CELSR3: variants seen among roughly 807,000 people sequenced by gnomAD.
CELSR3 encodes EGF-like protein 1.
A neutral mutation model predicts 270.0 loss-of-function variants in CELSR3; 73 were observed. The ratio of observed to expected loss-of-function variants is 0.27; its 90% CI spans 0.22 to 0.33. The LOEUF is 0.33. Ranked by LOEUF, CELSR3 falls within the 10% of genes least tolerant of loss-of-function variation. The probability of loss-of-function intolerance (pLI) is 1.00; values close to 1 mark genes in which losing one functional copy is unlikely to be tolerated. For synonymous variants in CELSR3, 1,780 were observed against 1,905.4 expected (o/e 0.93, Z 1.71); for missense variants, 3,614 against 4,533.8 (o/e 0.80, Z 5.83).
In CELSR3 at chr3:48,662,410, C is replaced by T. The variant is rs778189217; in HGVS notation, c.225G>A (p.Gly75=). Reference sequence around the variant, plus strand: ...TAGGCTCCCTGACCCCCAGGCCAGGCCCCCCATCCTCCCGGACCCCGGAAG... The same window carrying T: ...TAGGCTCCCTGACCCCCAGGCCAGGTCCCCCATCCTCCCGGACCCCGGAAG... ...PESSGVREDG[G]PGLGVREPIF... Residue 75 remains glycine, a synonymous_variant, in exon 1 of 35, where the codon GGG becomes GGA. Coordinates refer to ENST00000164024, the MANE Select transcript of CELSR3 (RefSeq NM_001407.3). The surrounding 1 kb of genome is among the most constrained non-coding windows in gnomAD (Gnocchi z 7.1). 29 of 1,612,484 alleles carry T rather than the reference C, an allele frequency of 1.8e-5. No homozygotes were observed. Among genetic ancestry groups the T allele is most frequent in the Non-Finnish European group, 2.5e-5 (29 of 1,179,828 alleles).
chr3:48,641,785 G>C lies in CELSR3; in HGVS notation c.8824+66C>G. The C allele has an allele frequency of 7.2e-7, 1 of 1,383,100 alleles. No homozygotes were observed. The highest frequency in any genetic ancestry group is 1.6e-5 in the South Asian group (1 of 63,396). The allele number at this position is 1,383,100 out of a possible 1,614,324, so 85.7% of individuals were successfully genotyped here. A position where few individuals can be genotyped will look rare whatever the true frequency, so the allele number is the denominator to read the frequency against. ...ATGAACCCCAACCGCAGGAAAGATG[G>C]GGAGCTGGAGGGATAACAAATGGGG... On this transcript the variant is annotated intron_variant, in intron 32 of 34. Transcript: ENST00000164024. The surrounding 1 kb of genome is among the most constrained non-coding windows in gnomAD (Gnocchi z 4.8).
Position 48,640,188 on chromosome 3 carries a change from C to T in CELSR3, c.9397G>A (p.Ala3133Thr), listed in dbSNP as rs150960747. Reference protein sequence around the residue: ...RRQPPRDYPGAMAGRFGSRDA... With the variant: ...RRQPPRDYPGTMAGRFGSRDA... ...CGTGACCCGAAGCGGCCAGCCATGGCGCCAGGGTAGTCCCGAGGTGGCTGC... is the reference window on the plus strand; with the variant it reads ...CGTGACCCGAAGCGGCCAGCCATGGTGCCAGGGTAGTCCCGAGGTGGCTGC... The change falls in exon 34 of 35, where the codon GCC becomes ACC. Residue 3133 changes from alanine (A) to threonine (T), a missense_variant. Physicochemically the swap from Ala to Thr is moderately conservative, Grantham distance 58 (BLOSUM62 0). Coordinates refer to ENST00000164024, the MANE Select transcript of CELSR3 (RefSeq NM_001407.3). The surrounding 1 kb of genome is among the most constrained non-coding windows in gnomAD (Gnocchi z 7.5). 6.1e-4 allele frequency: 985 copies of T among 1,612,704 alleles called. 1 individual carries two copies. Among genetic ancestry groups the T allele is most frequent in the Admixed American group, 1.8e-3 (109 of 60,018 alleles).
rs752735738 is a variant in CELSR3, at chr3:48,646,134, C to T, written c.7419G>A (p.Ala2473=). 9.3e-6 allele frequency: 15 copies of T among 1,612,922 alleles called. No homozygotes were observed. The highest frequency in any genetic ancestry group is 5.5e-5 in the South Asian group (5 of 91,080). ...ISLEFRLLQT[A]NRSKAICVQW... is the part of the protein sequence containing the mutation. ...GCACACAGATCGCCTTGCTCCGATT[C>T]GCTGTCTGTAGCAGGCGAAACTCTA... The change falls in exon 22 of 35, where the codon GCG becomes GCA. Residue 2473 remains alanine, a synonymous_variant. Coordinates refer to ENST00000164024, the MANE Select transcript of CELSR3 (RefSeq NM_001407.3). The surrounding 1 kb of genome is among the most constrained non-coding windows in gnomAD (Gnocchi z 4.8).
In CELSR3 at chr3:48,642,883, C is replaced by A; in HGVS notation, c.8408G>T (p.Gly2803Val). 1 of 1,612,890 alleles carries A rather than the reference C, an allele frequency of 6.2e-7. No individual in the cohort carries two copies. Among genetic ancestry groups the A allele is most frequent in the Non-Finnish European group, 8.5e-7 (1 of 1,179,786 alleles). Residue 2803 changes from glycine (G) to valine (V), a missense_variant and splice_region_variant, in exon 30 of 35, where the codon GGA (glycine) becomes GTA (valine). Coordinates refer to ENST00000164024, the MANE Select transcript of CELSR3 (RefSeq NM_001407.3). This position sits in a 1 kb window ranked among gnomAD's most constrained non-coding sequence, Gnocchi z 6.1. ...PEEARPAPGL[G>V]PGAYNNTALF... ...AGCCGTGTTGTTGTAGGCCCCAGGT[C>A]CCTGGGGGTGGTAGGGACAGAGTGT...
chr3:48,648,121 GC>G lies in CELSR3; in HGVS notation c.6974-126del, dbSNP rs1575541606. On this transcript the variant is annotated intron_variant, in intron 19 of 34. Coordinates refer to ENST00000164024, the MANE Select transcript of CELSR3 (RefSeq NM_001407.3). ...CTGTTTTCTGTGCTACCAGCTCGGA[GC>G]CTGTCCCTACAAAACGCTGAGGGCG... 7 of 1,440,938 alleles carry G rather than the reference GC, an allele frequency of 4.9e-6. No individual in the cohort carries two copies. In the East Asian group the frequency reaches 1.6e-4, roughly 33 times the overall value. The allele number at this position is 1,440,938 out of a possible 1,614,324, so 89.3% of individuals were successfully genotyped here. A position where few individuals can be genotyped will look rare whatever the true frequency, so the allele number is the denominator to read the frequency against.
Position 48,642,187 on chromosome 3 carries a change from A to C in CELSR3, c.8665+171T>G, listed in dbSNP as rs887480961. 1.1e-6 allele frequency: 1 copy of C among 872,008 alleles called. No individual in the cohort carries two copies. The highest frequency in any genetic ancestry group is 1.7e-6 in the Non-Finnish European group (1 of 583,820). The allele number at this position is 872,008 out of a possible 1,614,324, so 54.0% of individuals were successfully genotyped here. A position where few individuals can be genotyped will look rare whatever the true frequency, so the allele number is the denominator to read the frequency against. The stretch of plus-strand genomic sequence containing the variant: ...GACTTATCAGAGGGAAGGACGAATC[A>C]GGAGTGGACTGGGAGAACCAGGGCT... On this transcript the variant is annotated intron_variant, in intron 31 of 34. Coordinates refer to ENST00000164024, the MANE Select transcript of CELSR3 (RefSeq NM_001407.3). The surrounding 1 kb of genome is among the most constrained non-coding windows in gnomAD (Gnocchi z 6.1).
Position 48,649,231 on chromosome 3 carries a change from C to T in CELSR3, c.6473-16G>A, listed in dbSNP as rs2047115128. ...ACAGCAGCACCTGGAGGCAGGCAACCCCTGGTCAGGCCTGGGGCCTGGATA... is the reference window on the plus strand; with the variant it reads ...ACAGCAGCACCTGGAGGCAGGCAACTCCTGGTCAGGCCTGGGGCCTGGATA... On this transcript the variant is annotated splice_polypyrimidine_tract_variant and intron_variant, in intron 16 of 34. Coordinates refer to ENST00000164024, the MANE Select transcript of CELSR3 (RefSeq NM_001407.3). The T allele has an allele frequency of 2.5e-6, 4 of 1,601,144 alleles. No homozygotes were observed. Among genetic ancestry groups the T allele is most frequent in the East Asian group, 4.5e-5 (2 of 44,498 alleles).
Position 48,655,139 on chromosome 3 carries a change from G to A in CELSR3, c.4893C>T (p.Ser1631=), listed in dbSNP as rs774824972. 20 of 1,613,856 alleles carry A rather than the reference G, an allele frequency of 1.2e-5. No individual in the cohort carries two copies. The highest frequency in any genetic ancestry group is 1.2e-4 in the South Asian group (11 of 91,078). Residue 1631 remains serine (S), a synonymous_variant, in exon 6 of 35, where the codon AGC becomes AGT. Transcript: ENST00000164024. The surrounding 1 kb of genome is among the most constrained non-coding windows in gnomAD (Gnocchi z 5.8). ...GPSKDKVAVL[S]VDDCDVAVAL... ...CCACGGCCACATCACAATCATCCAC[G>A]CTTAGCACAGCCACCTTGTCCTTGG... is the stretch of plus-strand genomic sequence containing the variant.
Position 48,641,048 on chromosome 3 carries a change from C to T in CELSR3, c.9025+276G>A. 2 of 473,440 alleles carry T rather than the reference C, an allele frequency of 4.2e-6. No individual in the cohort carries two copies. Among genetic ancestry groups the T allele is most frequent in the Non-Finnish European group, 7.5e-6 (2 of 266,496 alleles). The allele number at this position is 473,440 out of a possible 1,614,324, so 29.3% of individuals were successfully genotyped here. A position where few individuals can be genotyped will look rare whatever the true frequency, so the allele number is the denominator to read the frequency against. ...GATCTGGGTGGGGGGCAGGGGGAAGCAGCTCCTAGGGTCTCTGAAAAACAG... is the reference window on the plus strand; with the variant it reads ...GATCTGGGTGGGGGGCAGGGGGAAGTAGCTCCTAGGGTCTCTGAAAAACAG... On this transcript the variant is annotated intron_variant, in intron 33 of 34. Transcript: ENST00000164024. This position sits in a 1 kb window ranked among gnomAD's most constrained non-coding sequence, Gnocchi z 4.8.
Position 48,638,005 on chromosome 3 carries a change from A to G in CELSR3, c.*200T>C. Reference sequence around the variant, plus strand: ...ACAAAACGTATAAAAGTCTCCCTCCAGTCCCCCGTCTCTGCACCTGTCACA... The same window carrying G: ...ACAAAACGTATAAAAGTCTCCCTCCGGTCCCCCGTCTCTGCACCTGTCACA... On this transcript the variant is annotated 3_prime_UTR_variant, in exon 35 of 35. Coordinates refer to ENST00000164024, the MANE Select transcript of CELSR3 (RefSeq NM_001407.3). 1 of 543,568 alleles carries G rather than the reference A, an allele frequency of 1.8e-6. No individual in the cohort carries two copies. The highest frequency in any genetic ancestry group is 3.9e-4 in the Middle Eastern group (1 of 2,554). 33.7% of individuals were successfully genotyped at this position (543,568 alleles called of 1,614,324 possible). A position where few individuals can be genotyped will look rare whatever the true frequency, so the allele number is the denominator to read the frequency against.
At position 48,657,383 on chromosome 3, in the gene CELSR3, G is replaced by C. The variant is rs984287343; in HGVS notation, c.3749-35C>G. On this transcript the variant is annotated intron_variant, in intron 1 of 34. Coordinates refer to ENST00000164024, the MANE Select transcript of CELSR3 (RefSeq NM_001407.3). The surrounding 1 kb of genome is among the most constrained non-coding windows in gnomAD (Gnocchi z 5.4). The stretch of plus-strand genomic sequence containing the variant: ...GGGGCAGGGGCAGTGGTCATCCTGG[G>C]GACAGTGGCCACCCCTCCCTGGGAC... The C allele has an allele frequency of 1.3e-6, 2 of 1,526,562 alleles. No individual in the cohort carries two copies. Among genetic ancestry groups the C allele is most frequent in the Admixed American group, 3.9e-5 (2 of 51,244 alleles). 94.6% of individuals were successfully genotyped at this position (1,526,562 alleles called of 1,614,324 possible).
chr3:48,644,187 AG>A lies in CELSR3; in HGVS notation c.8165+28del. On this transcript the variant is annotated intron_variant, in intron 27 of 34. Transcript: ENST00000164024. The surrounding 1 kb of genome is among the most constrained non-coding windows in gnomAD (Gnocchi z 4.8). ...CCAGGAGGGACCTGCCATCCTGAGA[AG>A]CCCCCTTCCTCCAGCCAGCCAACTC... 1 of 1,591,272 alleles carries A rather than the reference AG, an allele frequency of 6.3e-7. No individual in the cohort carries two copies. Among genetic ancestry groups the A allele is most frequent in the Non-Finnish European group, 8.6e-7 (1 of 1,161,948 alleles).
In CELSR3 at chr3:48,645,831, C is replaced by T. The variant is rs767046464; in HGVS notation, c.7501G>A (p.Glu2501Lys). ...TGGGACCCATTCCTGTGCACCAGCT[C>T]GCAGTCCCGTGCTGTCCACACACCA... ...QHGVWTARDC[E>K]LVHRNGSHAR... The change falls in exon 23 of 35, where the codon GAG (glutamate) becomes AAG (lysine). Residue 2501 changes from glutamate (E) to lysine (K), a missense_variant. By Grantham distance (56) the Glu-to-Lys change is moderately conservative. Coordinates refer to ENST00000164024, the MANE Select transcript of CELSR3 (RefSeq NM_001407.3). This position sits in a 1 kb window ranked among gnomAD's most constrained non-coding sequence, Gnocchi z 5.4. 7.3e-5 allele frequency: 118 copies of T among 1,610,400 alleles called. No individual in the cohort carries two copies. The highest frequency in any genetic ancestry group is 1.5e-4 in the Admixed American group (9 of 59,996).
At position 48,640,735 on chromosome 3, in the gene CELSR3, G is replaced by T; in HGVS notation, c.9026-176C>A. ...GTGGTCCCAGAGAGGCAGCAGGACA[G>T]GGGTCAGAGTGGAAGGGCAGTCATC... On this transcript the variant is annotated intron_variant, in intron 33 of 34. Transcript: ENST00000164024. The surrounding 1 kb of genome is among the most constrained non-coding windows in gnomAD (Gnocchi z 7.5). 1.5e-6 allele frequency: 1 copy of T among 672,144 alleles called. No individual in the cohort carries two copies. Among genetic ancestry groups the T allele is most frequent in the Non-Finnish European group, 2.4e-6 (1 of 408,164 alleles). The allele number at this position is 672,144 out of a possible 1,614,324, so 41.6% of individuals were successfully genotyped here.
chr3:48,660,946 G>A lies in CELSR3; in HGVS notation c.1689C>T (p.Val563=). ...GGTCAGTGGCCGTGACGCGCAGCAC[G>A]ACTGTGTGGGGGCGCACATCCTCGC... ...QVREDVRPHT[V]VLRVTATDRD... Residue 563 remains valine, a synonymous_variant, in exon 1 of 35, where the codon GTC becomes GTT. Coordinates refer to ENST00000164024, the MANE Select transcript of CELSR3 (RefSeq NM_001407.3). This position sits in a 1 kb window ranked among gnomAD's most constrained non-coding sequence, Gnocchi z 5.5. The A allele has an allele frequency of 6.2e-7, 1 of 1,613,908 alleles. No homozygotes were observed. Among genetic ancestry groups the A allele is most frequent in the Non-Finnish European group, 8.5e-7 (1 of 1,180,030 alleles).
chr3:48,644,425 A>T lies in CELSR3; in HGVS notation c.8086-130T>A. 2.5e-6 allele frequency: 2 copies of T among 802,610 alleles called. No individual in the cohort carries two copies. The highest frequency in any genetic ancestry group is 2.1e-6 in the Non-Finnish European group (1 of 481,612). The allele number at this position is 802,610 out of a possible 1,614,324, so 49.7% of individuals were successfully genotyped here. A position where few individuals can be genotyped will look rare whatever the true frequency, so the allele number is the denominator to read the frequency against. ...ACCAGTGAGAAATTCACACATATACACACACACCAAAGGAGCTTAGCATCA... is the reference window on the plus strand; with the variant it reads ...ACCAGTGAGAAATTCACACATATACTCACACACCAAAGGAGCTTAGCATCA... On this transcript the variant is annotated intron_variant, in intron 26 of 34. Transcript: ENST00000164024. The surrounding 1 kb of genome is among the most constrained non-coding windows in gnomAD (Gnocchi z 4.8).
chr3:48,645,014 G>A lies in CELSR3; in HGVS notation c.7972+21C>T. On this transcript the variant is annotated intron_variant, in intron 25 of 34. Coordinates refer to ENST00000164024, the MANE Select transcript of CELSR3 (RefSeq NM_001407.3). This position sits in a 1 kb window ranked among gnomAD's most constrained non-coding sequence, Gnocchi z 5.4. ...GGGTCAGGCCATGTGATGGTTGGAGGTTGGGGGTCACAGCCCTCACCCAGC... is the reference window on the plus strand; with the variant it reads ...GGGTCAGGCCATGTGATGGTTGGAGATTGGGGGTCACAGCCCTCACCCAGC... The A allele has an allele frequency of 3.2e-6, 5 of 1,564,630 alleles. No homozygotes were observed. Among genetic ancestry groups the A allele is most frequent in the Non-Finnish European group, 3.5e-6 (4 of 1,149,160 alleles).
Position 48,661,806 on chromosome 3 carries a change from G to T in CELSR3, c.829C>A (p.Arg277Ser). The change falls in exon 1 of 35, where the codon CGC (arginine) becomes AGC (serine). Residue 277 changes from arginine to serine, a missense_variant. Physicochemically the swap from Arg to Ser is moderately radical, Grantham distance 110. This residue lies in a region of CELSR3 where 470 missense variants were observed against 469.7 expected (regional missense o/e 1.00). Coordinates refer to ENST00000164024, the MANE Select transcript of CELSR3 (RefSeq NM_001407.3). ...CGGCAGCGGAAGAGACCCCGGGAGC[G>T]CATGCGCTTGGGCGCCGGCTCGGGA... ...TAPEPAPKRMRSRGLFRCRFL... is the reference protein window; with the variant it reads ...TAPEPAPKRMSSRGLFRCRFL... The T allele has an allele frequency of 6.2e-7, 1 of 1,608,664 alleles. No individual in the cohort carries two copies.
chr3:48,660,480 C>G lies in CELSR3; in HGVS notation c.2155G>C (p.Val719Leu), dbSNP rs769860469. The change falls in exon 1 of 35, where the codon GTG (valine) becomes CTG (leucine). Residue 719 changes from valine to leucine, a missense_variant. This residue lies in a region of CELSR3 where 215 missense variants were observed against 241.2 expected (regional missense o/e 0.89). Transcript: ENST00000164024. This position sits in a 1 kb window ranked among gnomAD's most constrained non-coding sequence, Gnocchi z 5.5. ...TCCACACCAAAGAAGTAATGCTCCACAGACTCACGGTCCAGGGGACCACTC... is the reference window on the plus strand; with the variant it reads ...TCCACACCAAAGAAGTAATGCTCCAGAGACTCACGGTCCAGGGGACCACTC... ...SVSGPLDRES[V>L]EHYFFGVEAR... 3.1e-6 allele frequency: 5 copies of G among 1,614,192 alleles called. No individual in the cohort carries two copies. The highest frequency in any genetic ancestry group is 4.2e-6 in the Non-Finnish European group (5 of 1,180,042).
Sources: gnomAD v4.1 joint callset for allele counts on GRCh38, gnomAD v4.1.1 for gene constraint, gnomAD v4.1.1 regional missense constraint, Gnocchi (gnomAD v3.1) non-coding constraint, MANE v1.5 for transcripts, NCBI Gene and HGNC (gene_info 2026-07-23, HGNC 2026-07-21) for gene names.